ZBTB16: variants seen among roughly 807,000 people sequenced by gnomAD.
The protein encoded by ZBTB16 is zinc finger and BTB domain-containing protein 16.
In ZBTB16, 8 loss-of-function variants were observed where a neutral mutation model predicts 56.8. The ratio of observed to expected loss-of-function variants is 0.14; its 90% confidence interval spans 0.08 to 0.25. The LOEUF is 0.25. Ranked by LOEUF, ZBTB16 falls within the 10% of genes least tolerant of loss-of-function variation. ZBTB16 has a pLI of 1.00. For missense variants in ZBTB16, 625 were observed against 903.0 expected (o/e 0.69, Z 3.95); for synonymous variants, 363 against 368.5 (o/e 0.98, Z 0.17).
At chr11:114,159,937 C>CGGGT (rs1555145910) in intron 3 of ZBTB16, among the ~76,000 whole-genome samples, 2 of 93,840 alleles carry the variant, frequency 2.1e-5, no homozygotes, top group African/African-American at 6.6e-5. Context: ...GCGGGGGAGG[C>CGGGT]GGGGGGGAGG....
At position 114,256,022 on chromosome 11, in the gene ZBTB16, G is replaced by GTTTT. The variant is rs61107073; in HGVS notation, c.*5476_*5479dup. 7.0e-6 allele frequency among the ~76,000 whole-genome samples: 1 copy of GTTTT among 143,104 alleles called. No homozygotes were observed. The allele number at this position is 143,104 out of a possible 152,430, so 93.9% of individuals were successfully genotyped here. A position where few individuals can be genotyped will look rare whatever the true frequency, so the allele number is the denominator to read the frequency against. ...TTATTGAAGTACTTGGTTTTGTTTT[G>GTTTT]TTTTTTTTTTTTGTTTTTTTTGCCT... On this transcript the variant is annotated 3_prime_UTR_variant, in exon 7 of 7. Coordinates refer to ENST00000335953, the MANE Select transcript of ZBTB16 (RefSeq NM_006006.6).
At chr11:114,083,512 C>G (rs1791807) in intron 2 of ZBTB16, among the ~76,000 whole-genome samples, 1 of 151,872 alleles carries the variant, frequency 6.6e-6, no homozygotes, top group African/African-American at 2.4e-5. Flanking sequence ...TGCCTTTCCC[C>G]TCCAAGCTTC....
intron 2 of ZBTB16, among the ~76,000 whole-genome samples, chr11:114,108,037 A>G (rs1230161063): frequency 6.6e-6 from 1 of 152,070 alleles, no homozygotes; most frequent in Non-Finnish European, 1.5e-5. Flanking sequence ...GAAGCATTGT[A>G]AAAGATGCTG....
At chr11:114,163,198 C>T (rs1296349146) in intron 3 of ZBTB16, among the ~76,000 whole-genome samples, 1 of 144,798 alleles carries the variant, frequency 6.9e-6, no homozygotes, top group Non-Finnish European at 1.5e-5. Context: ...TCCTCAGTCC[C>T]CCCCCAACCC....
intron 3 of ZBTB16, among the ~76,000 whole-genome samples, chr11:114,162,092 C>T (rs961016364): frequency 2.0e-5 from 3 of 152,172 alleles, no homozygotes; most frequent in Admixed American, 6.5e-5. Context: ...TGAAGGCTTT[C>T]GTTGATAGAT....
chr11:114,208,946 C>T (rs1383825428), intron 4 of ZBTB16, among the ~76,000 whole-genome samples: 2 of 152,194 alleles, frequency 1.3e-5, no homozygotes, highest in African/African-American at 4.8e-5. Context: ...GCAAACCATT[C>T]CAGATCCATA....
chr11:114,225,057 C>T (rs1944302467), intron 4 of ZBTB16, among the ~76,000 whole-genome samples: 1 of 152,036 alleles, frequency 6.6e-6, no homozygotes, highest in African/African-American at 2.4e-5. Flanking sequence ...TAGGGTACAG[C>T]AGGCTGGTGA....
At chr11:114,135,494 G>T (rs1410868801) in intron 2 of ZBTB16, among the ~76,000 whole-genome samples, 2 of 152,198 alleles carry the variant, frequency 1.3e-5, no homozygotes, top group African/African-American at 4.8e-5. Context: ...GAGGGAGGCA[G>T]AAGAGTCAGT....
rs142462972 is a variant in ZBTB16, at chr11:114,143,923, T to C, written c.1269-12414T>C. ...GCTTGGCCTCTGTGCTCGTTGGGCC[T>C]CGAGTCACTGGTATTATGCATTTCC... On this transcript the variant is annotated intron_variant, in intron 2 of 6. Transcript: ENST00000335953. The surrounding 1 kb of genome is among the most constrained non-coding windows in gnomAD (Gnocchi z 6.4). Among the ~76,000 whole-genome samples the C allele has an allele frequency of 2.1e-3, 316 of 152,290 alleles. No homozygotes were observed. The highest frequency in any genetic ancestry group is 4.2e-3 in the Non-Finnish European group (288 of 68,024).
intron 4 of ZBTB16, among the ~76,000 whole-genome samples, chr11:114,196,384 G>T (rs1004903719): frequency 1.9e-5 from 1 of 53,668 alleles, no homozygotes; most frequent in African/African-American, 1.2e-4. Context: ...CTACCTTTTC[G>T]CCAGTAAGAA....
chr11:114,132,337 A>G (rs1045495121), intron 2 of ZBTB16, among the ~76,000 whole-genome samples: 3 of 152,200 alleles, frequency 2.0e-5, no homozygotes, highest in African/African-American at 7.2e-5. Context: ...GGAAAAAACT[A>G]TGCCTGCAAG....
intron 2 of ZBTB16, among the ~76,000 whole-genome samples, chr11:114,120,064 G>T (rs1268142543): frequency 6.6e-6 from 1 of 152,176 alleles, no homozygotes; most frequent in African/African-American, 2.4e-5. Flanking sequence ...ACAGTTGGAG[G>T]GTCTTGTCTG....
intron 4 of ZBTB16, among the ~76,000 whole-genome samples, chr11:114,205,126 T>A (rs539230073): frequency 6.6e-6 from 1 of 152,014 alleles, no homozygotes. Flanking sequence ...AAAAAAAATT[T>A]CGGCCGGGCG....
rs180756232 is a variant in ZBTB16 at position 114,234,088 on chromosome 11, C to T, written c.1454-8079C>T. 5.0e-4 allele frequency among the ~76,000 whole-genome samples: 76 copies of T among 152,298 alleles called. 1 individual carries two copies. The highest frequency in any genetic ancestry group is 3.4e-3 in the Middle Eastern group (1 of 294). On this transcript the variant is annotated intron_variant, in intron 4 of 6. Transcript: ENST00000335953. ...AAGATGCTTTTGCTCCCTTGACTGACGGTATTGAAACCGTAACATTCCCCT... is the reference window on the plus strand; with the variant it reads ...AAGATGCTTTTGCTCCCTTGACTGATGGTATTGAAACCGTAACATTCCCCT...
rs1939589047 is a variant in ZBTB16, at chr11:114,076,932, G to A, written c.1268+12364G>A. Among the ~76,000 whole-genome samples the A allele has an allele frequency of 2.6e-5, 4 of 152,058 alleles. No homozygotes were observed. The South Asian group carries it at 8.3e-4, about 31-fold the overall frequency. ...AGTAGTTTTTGTTTTTTTGAGCTGA[G>A]TAGCTGCTAAATATTCCCCAGCAGC... On this transcript the variant is annotated intron_variant, in intron 2 of 6. Transcript: ENST00000335953.
intron 2 of ZBTB16, among the ~76,000 whole-genome samples, chr11:114,072,161 C>G (rs1263298775): frequency 6.6e-6 from 1 of 152,206 alleles, no homozygotes; most frequent in Non-Finnish European, 1.5e-5. Context: ...CTGCTTTCTC[C>G]CTGAGACCGT....
intron 4 of ZBTB16, among the ~76,000 whole-genome samples, chr11:114,215,315 A>C (rs1006896901): frequency 1.3e-5 from 2 of 152,158 alleles, no homozygotes; most frequent in Non-Finnish European, 2.9e-5. Context: ...CCAGGGATTC[A>C]CTTGTTCCCT....
chr11:114,066,903 T>A (rs1054686782), intron 2 of ZBTB16, among the ~76,000 whole-genome samples: 3 of 151,692 alleles, frequency 2.0e-5, no homozygotes, highest in Admixed American at 6.6e-5. Flanking sequence ...CCTGAGTAGC[T>A]GGGACTACAG....
At chr11:114,243,653 T>C (rs1035222296) in intron 5 of ZBTB16, among the ~76,000 whole-genome samples, 1 of 152,214 alleles carries the variant, frequency 6.6e-6, no homozygotes, top group African/African-American at 2.4e-5. Flanking sequence ...TCTACAGCGA[T>C]TGCGTAAGCA....
Sources: allele counts gnomAD v4.1 joint callset (sites outside exome capture counted in the v4.1 genomes callset), GRCh38; gene constraint gnomAD v4.1.1; non-coding constraint Gnocchi (gnomAD v3.1); transcripts MANE v1.5; gene names NCBI Gene and HGNC (gene_info 2026-07-23, HGNC 2026-07-21).